TMEM231: variants seen among roughly 807,000 people sequenced by gnomAD.
The protein encoded by TMEM231 is transmembrane protein 231.
Under a neutral mutation model 38.5 loss-of-function variants are expected in TMEM231, and 40 were observed. The ratio of observed to expected loss-of-function variants is 1.04; its 90% CI spans 0.81 to 1.35. The LOEUF (loss-of-function observed/expected upper bound fraction) is 1.35, where lower values mean the gene tolerates loss of function less well. Among genes scored for constraint, TMEM231 ranks in the 40% most tolerant of loss-of-function variants. The pLI, the probability that TMEM231 is intolerant of heterozygous loss-of-function variation, is 0.00. For missense variants in TMEM231, 420 were observed against 416.9 expected, an observed-to-expected ratio of 1.01 and a Z score of -0.07; for synonymous variants, 199 against 181.7, an observed-to-expected ratio of 1.10 and a Z score of -0.77.
intron 2 of TMEM231, among the ~76,000 whole-genome samples, chr16:75,546,229 T>C (rs1380962914): frequency 6.6e-6 from 1 of 152,226 alleles, no homozygotes; most frequent in African/African-American, 2.4e-5. Flanking sequence ...TATTTGTGCC[T>C]TTCAGTTGTC....
At position 75,541,616 on chromosome 16, in the gene TMEM231, T is replaced by A. The variant is rs77286605; in HGVS notation, c.665-161A>T. The A allele has an allele frequency of 8.6e-4, 379 of 440,226 alleles. 4 individuals carry two copies. Among genetic ancestry groups the A allele is most frequent in the African/African-American group, 6.7e-3 (332 of 49,310 alleles). 27.3% of individuals were successfully genotyped at this position (440,226 alleles called of 1,614,324 possible). A position where few individuals can be genotyped will look rare whatever the true frequency, so the allele number is the denominator to read the frequency against. On this transcript the variant is annotated intron_variant, in intron 5 of 6. Coordinates refer to ENST00000258173, the MANE Select transcript of TMEM231 (RefSeq NM_001077418.3). ...TGCATGTGCAAAGCTGATCACACAT[T>A]ATTTGTTAAAATAATAGTCAAAATA...
rs2641799 is a variant in TMEM231 at position 75,541,669 on chromosome 16, G to C, written c.665-214C>G. ...TTTGTTAAAATACATAAAAAACTTG[G>C]AAAGAGTTTCTTCTACATGTGCTGA... On this transcript the variant is annotated intron_variant, in intron 5 of 6. Transcript: ENST00000258173. 0.26 allele frequency: 89,034 copies of C among 345,686 alleles called. 11,933 individuals are homozygous for C. Among genetic ancestry groups the C allele is most frequent in the African/African-American group, 0.3 (13,948 of 47,190 alleles). The allele number at this position is 345,686 out of a possible 1,614,324, so 21.4% of individuals were successfully genotyped here. A position where few individuals can be genotyped will look rare whatever the true frequency, so the allele number is the denominator to read the frequency against.
rs1001829148 is a variant in TMEM231 at position 75,536,842 on chromosome 16, T to C, written c.*3152A>G. 4.6e-5 allele frequency: 7 copies of C among 152,134 alleles called. No individual in the cohort carries two copies. The highest frequency in any genetic ancestry group is 1.4e-4 in the African/African-American group (6 of 41,424). The allele number at this position is 152,134 out of a possible 1,614,324, so 9.4% of individuals were successfully genotyped here. ...ATGTGTGCCAGAATGCCAACCATAA[T>C]AACTTCTGTGATCAAACTGCTGTGA... On this transcript the variant is annotated 3_prime_UTR_variant, in exon 7 of 7. Transcript: ENST00000258173.
intron 4 of TMEM231, among the ~76,000 whole-genome samples, chr16:75,543,431 G>A (rs541101776): frequency 5.9e-5 from 9 of 152,166 alleles, no homozygotes; most frequent in Middle Eastern, 3.4e-3. Flanking sequence ...TTAGCCAGGC[G>A]TGGTGGCATA....
chr16:75,553,414 T>A (rs76684670), intron 2 of TMEM231, among the ~76,000 whole-genome samples: 1,827 of 151,652 alleles, frequency 0.012, 41 homozygotes, highest in African/African-American at 0.041. Context: ...AGTTGAGGAG[T>A]TCTAGACCAG....
rs116890747 is a variant in TMEM231, at chr16:75,541,484, C to T, written c.665-29G>A. Reference sequence around the variant, plus strand: ...CAATGCAATCATTAACCATTAACCACGATGGCTGTTTGACTCTGGCAGTTG... The same window carrying T: ...CAATGCAATCATTAACCATTAACCATGATGGCTGTTTGACTCTGGCAGTTG... On this transcript the variant is annotated intron_variant, in intron 5 of 6. Transcript: ENST00000258173. The T allele has an allele frequency of 3.2e-4, 481 of 1,486,752 alleles. No individual in the cohort carries two copies. In the African/African-American group the frequency reaches 4.0e-3, roughly 12 times the overall value. The allele number at this position is 1,486,752 out of a possible 1,614,324, so 92.1% of individuals were successfully genotyped here.
chr16:75,553,359 C>A (rs1304176095), intron 2 of TMEM231, among the ~76,000 whole-genome samples: 1 of 152,160 alleles, frequency 6.6e-6, no homozygotes, highest in Non-Finnish European at 1.5e-5. Context: ...GTAATCACAC[C>A]TGTAATCCCA....
At chr16:75,554,060 G>A (rs968380550) in intron 2 of TMEM231, among the ~76,000 whole-genome samples, 18 of 152,024 alleles carry the variant, frequency 1.2e-4, no homozygotes, top group African/African-American at 4.3e-4. Context: ...TAAACATTCA[G>A]TGTTCATATA....
intron 6 of TMEM231, 115 bp from the exon 7 acceptor site, chr16:75,540,289 C>T (rs769576580): frequency 9.7e-7 from 1 of 1,035,494 alleles, no homozygotes. Context: ...CTGTCATGTA[C>T]ACACCCAGAT....
chr16:75,540,829 A>G (rs1369798239), intron 6 of TMEM231, among the ~76,000 whole-genome samples: 1 of 152,234 alleles, frequency 6.6e-6, no homozygotes, highest in Non-Finnish European at 1.5e-5. Context: ...ATTTGTTCCT[A>G]TATGAATAGC....
rs888312097 is a variant in TMEM231, at chr16:75,537,784, C to A, written c.*2210G>T. 3.3e-5 allele frequency: 5 copies of A among 152,208 alleles called. No homozygotes were observed. The highest frequency in any genetic ancestry group is 1.2e-4 in the African/African-American group (5 of 41,452). The allele number at this position is 152,208 out of a possible 1,614,324, so 9.4% of individuals were successfully genotyped here. ...ACAGGCGTGAGCCACCGCTCCCGGC[C>A]TCTTGCTTTTTATTTACCTCTTGCA... is the stretch of plus-strand genomic sequence containing the variant. On this transcript the variant is annotated 3_prime_UTR_variant, in exon 7 of 7. Transcript: ENST00000258173.
Position 75,555,797 on chromosome 16 carries a change from C to T in TMEM231, c.309+7G>A. Reference sequence around the variant, plus strand: ...CTCTGCCCCAGGCCCAGGCGGGAACCACGCACCGAAACGAGCGGGACGCGC... The same window carrying T: ...CTCTGCCCCAGGCCCAGGCGGGAACTACGCACCGAAACGAGCGGGACGCGC... On this transcript the variant is annotated splice_region_variant and intron_variant, in intron 2 of 6. Transcript: ENST00000258173. 4 of 1,527,600 alleles carry T rather than the reference C, an allele frequency of 2.6e-6. No homozygotes were observed. The highest frequency in any genetic ancestry group is 2.4e-5 in the East Asian group (1 of 42,120). The allele number at this position is 1,527,600 out of a possible 1,614,324, so 94.6% of individuals were successfully genotyped here. A position where few individuals can be genotyped will look rare whatever the true frequency, so the allele number is the denominator to read the frequency against.
rs1455547714 is a variant in TMEM231 at position 75,553,669 on chromosome 16, CCA to C, written c.309+2133_309+2134del. ...AGAAGAAAAGCTAGGGCAAATTGTACCACTTCTCTATTTCTTTTTAATTTTTT... is the reference window on the plus strand; with the variant it reads ...AGAAGAAAAGCTAGGGCAAATTGTACCTTCTCTATTTCTTTTTAATTTTTT... On this transcript the variant is annotated intron_variant, in intron 2 of 6. Transcript: ENST00000258173. 5.3e-5 allele frequency among the ~76,000 whole-genome samples: 8 copies of C among 149,618 alleles called. No individual in the cohort carries two copies. The East Asian group carries it at 1.6e-3, about 29-fold the overall frequency.
rs768202616 is a variant in TMEM231, at chr16:75,545,426, A to C, written c.508T>G (p.Leu170Val). The stretch of plus-strand genomic sequence containing the variant: ...AGCCTCAGGTCTCCGTTCACGTATA[A>C]CTGGGATCCCGGGACAGGAAAGGAG... ...QSSFPVPGSQ[L>V]YVNGDLRLQQ... Residue 170 changes from leucine to valine, a missense_variant, in exon 4 of 7, where the codon TTA (leucine) becomes GTA (valine). Physicochemically the swap from Leu to Val is conservative, Grantham distance 32. Coordinates refer to ENST00000258173, the MANE Select transcript of TMEM231 (RefSeq NM_001077418.3). 35 of 1,607,812 alleles carry C rather than the reference A, an allele frequency of 2.2e-5. No homozygotes were observed. Among genetic ancestry groups the C allele is most frequent in the Non-Finnish European group, 3.0e-5 (35 of 1,176,758 alleles).
chr16:75,545,497 T>C lies in TMEM231; in HGVS notation c.439-2A>G. On this transcript the variant is annotated splice_acceptor_variant, in intron 3 of 6. Coordinates refer to ENST00000258173, the MANE Select transcript of TMEM231 (RefSeq NM_001077418.3). LOFTEE classifies it high-confidence loss of function. ...CTGCATCACGAGGGTCGCCATCCTC[T>C]GAAATCATTAGAAGGACCAACAATA... 2 of 1,545,700 alleles carry C rather than the reference T, an allele frequency of 1.3e-6. No homozygotes were observed. Among genetic ancestry groups the C allele is most frequent in the Non-Finnish European group, 1.8e-6 (2 of 1,141,588 alleles).
Position 75,539,963 on chromosome 16 carries a change from C to G in TMEM231, c.*31G>C. 6.4e-7 allele frequency: 1 copy of G among 1,571,882 alleles called. No individual in the cohort carries two copies. Among genetic ancestry groups the G allele is most frequent in the Non-Finnish European group, 8.6e-7 (1 of 1,161,478 alleles). ...CCAGAAGATGACAATGAGGCAGCCA[C>G]GGTCCTGCTGAGTCTTCAGAAATGG... On this transcript the variant is annotated 3_prime_UTR_variant, in exon 7 of 7. Transcript: ENST00000258173.
chr16:75,554,545 C>CAAAAAAAAAAAAAAAAAAA (rs1185694717), intron 2 of TMEM231, among the ~76,000 whole-genome samples: 3 of 94,112 alleles, frequency 3.2e-5, no homozygotes, highest in African/African-American at 7.9e-5. Flanking sequence ...GACTGTGTCT[C>CAAAAAAAAAAAAAAAAAAA]AAAAAAAAAA....
At position 75,545,481 on chromosome 16, in the gene TMEM231, G is replaced by A. The variant is rs2080678783; in HGVS notation, c.453C>T (p.Leu151=). 3 of 1,570,620 alleles carry A rather than the reference G, an allele frequency of 1.9e-6. No individual in the cohort carries two copies. Among genetic ancestry groups the A allele is most frequent in the African/African-American group, 1.4e-5 (1 of 69,914 alleles). ...GGAGAAACGCCATGCTCTGCATCAC[G>A]AGGGTCGCCATCCTCTGAAATCATT... ...FSYRLHRMAT[L]VMQSMAFLQS... Residue 151 remains leucine, a synonymous_variant, in exon 4 of 7, where the codon CTC becomes CTT. Coordinates refer to ENST00000258173, the MANE Select transcript of TMEM231 (RefSeq NM_001077418.3).
At chr16:75,551,515 A>G (rs1391275318) in intron 2 of TMEM231, among the ~76,000 whole-genome samples, 1 of 152,264 alleles carries the variant, frequency 6.6e-6, no homozygotes, top group South Asian at 2.1e-4. Flanking sequence ...CATTACTTAT[A>G]AAATGAACCA....
Sources: gnomAD v4.1 joint callset for allele counts (sites outside exome capture counted in the v4.1 genomes callset) on GRCh38, gnomAD v4.1.1 for gene constraint, MANE v1.5 for transcripts, NCBI Gene and HGNC (gene_info 2026-07-23, HGNC 2026-07-21) for gene names.